Variants in RNF212B observed in about 807,000 individuals in gnomAD.
The protein encoded by RNF212B is ring finger protein 212B.
RNF212B carries 52 observed loss-of-function variants against 55.5 expected under a neutral mutation model. The ratio of observed to expected loss-of-function variants is 0.94; its 90% CI spans 0.75 to 1.18. RNF212B has a LOEUF of 1.18. Ranked by LOEUF, RNF212B falls within the 50% of genes most tolerant of loss-of-function variation. The probability of loss-of-function intolerance (pLI) is 0.00; values close to 1 mark genes in which losing one functional copy is unlikely to be tolerated. For synonymous variants in RNF212B, 99 were observed against 121.4 expected, an observed-to-expected ratio of 0.82 and a Z score of 1.21; for missense variants, 289 against 350.4, an observed-to-expected ratio of 0.82 and a Z score of 1.40.
At chr14:23,243,397 A>G in intron 3 of RNF212B, 89 bp downstream of exon 3, 1 of 1,216,642 alleles carries the variant, frequency 8.2e-7, no homozygotes, top group South Asian at 1.4e-5. Context: ...GAATTGTTTC[A>G]AAAAGAAAGA....
In RNF212B at chr14:23,268,042, AT is replaced by A. The variant is rs1298248813; in HGVS notation, c.635-879del. On this transcript the variant is annotated intron_variant, in intron 11 of 14. Transcript: ENST00000430154. ...TAGCCTTTTGTTTGTCCCAGCTGAT[AT>A]TTATCTCCTTAGGCAGCCAAACAAG... is the stretch of plus-strand genomic sequence containing the variant. 4.6e-5 allele frequency among the ~76,000 whole-genome samples: 7 copies of A among 152,186 alleles called. No individual in the cohort carries two copies. The East Asian group carries it at 1.3e-3, about 29-fold the overall frequency.
chr14:23,249,629 C>T (rs1425857955), intron 4 of RNF212B, among the ~76,000 whole-genome samples: 1 of 152,162 alleles, frequency 6.6e-6, no homozygotes, highest in Non-Finnish European at 1.5e-5. Flanking sequence ...GTATTTAGGA[C>T]TTCTGAAACA....
intron 2 of RNF212B, among the ~76,000 whole-genome samples, chr14:23,223,576 C>G (rs1019360745): frequency 6.6e-6 from 1 of 152,104 alleles, no homozygotes; most frequent in Non-Finnish European, 1.5e-5. Context: ...AGGATGGTCT[C>G]GATCTCCTGA....
intron 4 of RNF212B, among the ~76,000 whole-genome samples, chr14:23,255,425 G>A (rs889748590): frequency 6.6e-6 from 1 of 152,194 alleles, no homozygotes; most frequent in Non-Finnish European, 1.5e-5. Context: ...ATAAAGGAAA[G>A]GAATCAGGGT....
At chr14:23,240,659 ACTT>A (rs1883503380) in intron 2 of RNF212B, among the ~76,000 whole-genome samples, 1 of 152,228 alleles carries the variant, frequency 6.6e-6, no homozygotes, top group South Asian at 2.1e-4. Flanking sequence ...CAAATCTATT[ACTT>A]GAGGACTAGA....
upstream of RNF212B, among the ~76,000 whole-genome samples, chr14:23,235,547 G>A (rs1665133462): frequency 6.6e-6 from 1 of 152,148 alleles, no homozygotes; most frequent in Admixed American, 6.6e-5. Flanking sequence ...ACCAGTGACA[G>A]TATTTGTTGC....
At chr14:23,232,253 C>G (rs566598663) in intron 2 of RNF212B, among the ~76,000 whole-genome samples, 88 of 150,334 alleles carry the variant, frequency 5.9e-4, no homozygotes, top group African/African-American at 1.0e-3. Context: ...CTCTGCCCCG[C>G]CGCCCCATCT....
In RNF212B at chr14:23,247,015, C is replaced by T. The variant is rs1403338963; in HGVS notation, c.228+2619C>T. On this transcript the variant is annotated intron_variant, in intron 4 of 14. Coordinates refer to ENST00000430154, the MANE Select transcript of RNF212B (RefSeq NM_001282322.3). ...ATTAGCCAGGTGTGGTGGCACGTGC[C>T]TTTAATCCCAGCTACTCGGGAGGCT... Among the ~76,000 whole-genome samples, 6 of 151,930 alleles carry T rather than the reference C, an allele frequency of 3.9e-5. No homozygotes were observed. In the East Asian group the frequency reaches 1.2e-3, roughly 29 times the overall value.
chr14:23,241,445 A>G (rs1883557791), intron 2 of RNF212B, among the ~76,000 whole-genome samples: 1 of 151,954 alleles, frequency 6.6e-6, no homozygotes, highest in African/African-American at 2.4e-5. Context: ...TTTGTTTTTG[A>G]CATAGTCTCA....
chr14:23,234,902 C>A (rs1882987484), upstream of RNF212B, among the ~76,000 whole-genome samples: 2 of 152,062 alleles, frequency 1.3e-5, no homozygotes, highest in East Asian at 3.8e-4. Context: ...ACAGTGAGAC[C>A]TTGTCTCTTA....
intron 2 of RNF212B, among the ~76,000 whole-genome samples, chr14:23,241,718 T>A (rs933675432): frequency 1.3e-5 from 2 of 151,858 alleles, no homozygotes; most frequent in South Asian, 4.2e-4. Flanking sequence ...GCCATTTTTT[T>A]GTTTTGTTTT....
At chr14:23,264,063 G>A in intron 9 of RNF212B, 111 bp from the exon 10 acceptor site, 3 of 777,226 alleles carry the variant, frequency 3.9e-6, no homozygotes, top group Non-Finnish European at 6.2e-6. Context: ...GCTCTAGCCT[G>A]GGCAACAGAG....
chr14:23,269,537 G>C (rs1226818657), intron 12 of RNF212B, among the ~76,000 whole-genome samples: 1 of 152,090 alleles, frequency 6.6e-6, no homozygotes, highest in Non-Finnish European at 1.5e-5. Flanking sequence ...TTGGAGACCA[G>C]GCTGAGCAAC....
rs796329912 is a variant in RNF212B at position 23,202,849 on chromosome 14, C to CAAAA, written c.-2+9465_-2+9468dup. Among the ~76,000 whole-genome samples, 322 of 63,392 alleles carry CAAAA rather than the reference C, an allele frequency of 5.1e-3. 2 individuals carry two copies. The highest frequency in any genetic ancestry group is 0.016 in the African/African-American group (302 of 19,240). 41.6% of individuals were successfully genotyped at this position (63,392 alleles called of 152,430 possible). A position where few individuals can be genotyped will look rare whatever the true frequency, so the allele number is the denominator to read the frequency against. ...TGGGCGACAGAGCGAGACCCTGTCT[C>CAAAA]AAAAAAAAAAAAAAAAAAAATTGCT... On this transcript the variant is annotated intron_variant, in intron 2 of 15. Coordinates refer to the RNF212B transcript ENST00000399910.
intron 4 of RNF212B, among the ~76,000 whole-genome samples, chr14:23,256,396 G>T (rs145798553): frequency 6.7e-6 from 1 of 149,884 alleles, no homozygotes; most frequent in Non-Finnish European, 1.5e-5. Flanking sequence ...TTTTGAGATG[G>T]AGTCTCACTC....
chr14:23,259,704 T>A (rs1021895247), intron 5 of RNF212B, 180 bp from the exon 6 acceptor site: 3 of 414,414 alleles, frequency 7.2e-6, no homozygotes, highest in African/African-American at 6.2e-5. Flanking sequence ...ACCTAATTGT[T>A]CTCATTATCA....
intron 2 of RNF212B, among the ~76,000 whole-genome samples, chr14:23,195,390 A>G (rs1878554333): frequency 6.6e-6 from 1 of 152,206 alleles, no homozygotes; most frequent in Non-Finnish European, 1.5e-5. Flanking sequence ...AACCAAATGG[A>G]ATTATAAGCG....
Position 23,188,460 on chromosome 14 carries a change from G to GTTTTTTTTTT in RNF212B, c.-79+2978_-79+2987dup, listed in dbSNP as rs60659225. On this transcript the variant is annotated intron_variant, in intron 1 of 15. Transcript: ENST00000399910. ...TTCATTATGTTTGACAAAGATTAGG[G>GTTTTTTTTTT]TTTTTTTTTTTTTTTTTAGAGATAG... The GTTTTTTTTTT allele has an allele frequency of 2.9e-5, 4 of 136,502 alleles. 2 individuals are homozygous for GTTTTTTTTTT. Among genetic ancestry groups the GTTTTTTTTTT allele is most frequent in the African/African-American group, 5.4e-5 (2 of 36,790 alleles). 8.5% of individuals were successfully genotyped at this position (136,502 alleles called of 1,614,324 possible).
Position 23,201,733 on chromosome 14 carries a change from A to G in RNF212B, c.-2+8332A>G, listed in dbSNP as rs79280035. Among the ~76,000 whole-genome samples the G allele has an allele frequency of 5.2e-3, 793 of 152,336 alleles. 5 individuals are homozygous for G. Among genetic ancestry groups the G allele is most frequent in the African/African-American group, 0.018 (731 of 41,582 alleles). On this transcript the variant is annotated intron_variant, in intron 2 of 15. Coordinates refer to the RNF212B transcript ENST00000399910. ...ACAAAATAGGATTTCAGGTCATTGT[A>G]AAGTCATCTGTTTAACCAAAGTGGT...
Sources: allele counts gnomAD v4.1 joint callset (sites outside exome capture counted in the v4.1 genomes callset), GRCh38; gene constraint gnomAD v4.1.1; transcripts MANE v1.5; gene names NCBI Gene and HGNC (gene_info 2026-07-23, HGNC 2026-07-21).